DPP6: variants seen among roughly 807,000 people sequenced by gnomAD.
DPP6 encodes the protein dipeptidyl peptidase like 6, also known as A-type potassium channel modulatory protein DPP6.
In DPP6, 69 loss-of-function variants were observed where a neutral mutation model predicts 122.6. The ratio of observed to expected loss-of-function variants is 0.56; its 90% CI spans 0.46 to 0.69. The LOEUF (loss-of-function observed/expected upper bound fraction) is 0.69, where lower values mean the gene tolerates loss of function less well. Among genes scored for constraint, DPP6 ranks in the 30% least tolerant of loss-of-function variants. The pLI is 0.00. For synonymous variants in DPP6, 418 were observed against 433.1 expected, an observed-to-expected ratio of 0.97 and a Z score of 0.43; for missense variants, 928 against 1,116.9, an observed-to-expected ratio of 0.83 and a Z score of 2.41.
At chr7:154,295,898 A>C (rs1283716967) in intron 1 of DPP6, among the ~76,000 whole-genome samples, 2 of 150,932 alleles carry the variant, frequency 1.3e-5, no homozygotes, top group Non-Finnish European at 2.9e-5. Flanking sequence ...CTCTGTGTAC[A>C]CATAATCGAT....
At chr7:154,419,611 C>T (rs1817293212) in intron 1 of DPP6, among the ~76,000 whole-genome samples, 2 of 152,152 alleles carry the variant, frequency 1.3e-5, no homozygotes, top group Admixed American at 1.3e-4. Flanking sequence ...TTTTTCTTTC[C>T]TTCTCTTGAA....
intron 6 of DPP6, among the ~76,000 whole-genome samples, chr7:154,652,264 GTT>G (rs532694133): frequency 1.3e-5 from 2 of 149,456 alleles, no homozygotes; most frequent in African/African-American, 2.5e-5. Context: ...CTCCAAAGGC[GTT>G]TTTTTTTTCC....
chr7:154,270,950 C>T (rs1267019888), intron 1 of DPP6, among the ~76,000 whole-genome samples: 1 of 152,166 alleles, frequency 6.6e-6, no homozygotes, highest in Admixed American at 6.5e-5. Flanking sequence ...TTCTCAAAAG[C>T]CTTCACTTCT....
intron 1 of DPP6, among the ~76,000 whole-genome samples, chr7:154,424,784 C>A (rs1000026712): frequency 6.6e-6 from 1 of 152,166 alleles, no homozygotes; most frequent in African/African-American, 2.4e-5. Flanking sequence ...TTGACAACTG[C>A]GTGACTTTAG....
intron 1 of DPP6, among the ~76,000 whole-genome samples, chr7:154,035,969 G>A (rs561170265): frequency 5.9e-5 from 9 of 152,110 alleles, no homozygotes; most frequent in Admixed American, 1.3e-4. Context: ...TGAAAGGAGA[G>A]TATGGCATGA....
chr7:154,340,527 C>T (rs1316477551), intron 1 of DPP6, among the ~76,000 whole-genome samples: 2 of 152,100 alleles, frequency 1.3e-5, no homozygotes, highest in African/African-American at 4.8e-5. Flanking sequence ...ATAATTTATC[C>T]CTCTGATTTT....
At chr7:154,337,636 C>T (rs1039687276) in intron 1 of DPP6, among the ~76,000 whole-genome samples, 1 of 152,166 alleles carries the variant, frequency 6.6e-6, no homozygotes, top group Admixed American at 6.5e-5. Context: ...GGCAGGCAGC[C>T]TAAACTCCCA....
the DPP6 span, among the ~76,000 whole-genome samples, chr7:153,850,471 A>G: frequency 6.6e-6 from 1 of 152,352 alleles, no homozygotes; most frequent in East Asian, 1.9e-4. Context: ...GCAAGCATAC[A>G]TACATCTGTA....
intron 1 of DPP6, among the ~76,000 whole-genome samples, chr7:154,365,860 A>AGGGCTG (rs1296850099): frequency 4.0e-5 from 6 of 151,466 alleles, no homozygotes; most frequent in African/African-American, 1.5e-4. Flanking sequence ...CGGGAGGCTG[A>AGGGCTG]AGCAGGAGAA....
At chr7:154,096,673 G>T (rs1291014385) in intron 1 of DPP6, among the ~76,000 whole-genome samples, 3 of 151,872 alleles carry the variant, frequency 2.0e-5, no homozygotes, top group Admixed American at 6.6e-5. Context: ...AACAGTGGGA[G>T]AATAAAATCT....
intron 1 of DPP6, among the ~76,000 whole-genome samples, chr7:154,055,136 G>A (rs144143665): frequency 0.017 from 2,396 of 145,136 alleles, 65 homozygotes; most frequent in African/African-American, 0.059. Flanking sequence ...GTGGGTGGGC[G>A]TGTATTGTGT....
chr7:154,169,414 T>C (rs114284292), intron 1 of DPP6, among the ~76,000 whole-genome samples: 4 of 152,152 alleles, frequency 2.6e-5, no homozygotes, highest in Non-Finnish European at 5.9e-5. Flanking sequence ...CCACATGAGA[T>C]GGCAGCAGGC....
chr7:154,880,477 G>C (rs1479441359), intron 20 of DPP6, among the ~76,000 whole-genome samples: 1 of 152,224 alleles, frequency 6.6e-6, no homozygotes, highest in African/African-American at 2.4e-5. Context: ...TAGAACCAGA[G>C]CTCCACAGAT....
chr7:154,158,698 G>T (rs1008671309), intron 1 of DPP6, among the ~76,000 whole-genome samples: 3 of 151,902 alleles, frequency 2.0e-5, no homozygotes, highest in Non-Finnish European at 2.9e-5. Context: ...TAGAATTTTG[G>T]GGGCTGAGAG....
intron 1 of DPP6, among the ~76,000 whole-genome samples, chr7:154,251,110 G>A (rs537726960): frequency 1.3e-5 from 2 of 152,302 alleles, no homozygotes; most frequent in South Asian, 2.1e-4. Flanking sequence ...GGCTGACTGC[G>A]GGAATGCTGT....
chr7:154,514,311 A>G (rs1268812956), intron 3 of DPP6, among the ~76,000 whole-genome samples: 3 of 152,152 alleles, frequency 2.0e-5, no homozygotes, highest in African/African-American at 4.8e-5. Context: ...AAATACAGCT[A>G]GACGCTAATT....
chr7:154,023,109 G>A (rs1024904041), intron 1 of DPP6, among the ~76,000 whole-genome samples: 13 of 151,826 alleles, frequency 8.6e-5, no homozygotes, highest in Non-Finnish European at 1.5e-4. Flanking sequence ...TAACACTCAG[G>A]ATTCCATGAA....
At chr7:154,140,929 A>G (rs143819492) in intron 1 of DPP6, among the ~76,000 whole-genome samples, 19 of 152,316 alleles carry the variant, frequency 1.2e-4, no homozygotes, top group South Asian at 1.0e-3. Context: ...CCCGCTAAGT[A>G]ATCTCCGAAG....
Position 154,344,682 on chromosome 7 carries a change from G to A in DPP6, c.244-101532G>A, listed in dbSNP as rs940493616. On this transcript the variant is annotated intron_variant, in intron 1 of 25. Transcript: ENST00000377770. Reference sequence around the variant, plus strand: ...TGTGGAAGCTTGTACGAGTTTCTTGGCAACTCTGATTCACATTTTCCGGTG... The same window carrying A: ...TGTGGAAGCTTGTACGAGTTTCTTGACAACTCTGATTCACATTTTCCGGTG... Among the ~76,000 whole-genome samples the A allele has an allele frequency of 2.0e-5, 3 of 152,048 alleles. No homozygotes were observed. In the East Asian group the frequency reaches 5.8e-4, roughly 30 times the overall value.
Sources: allele counts gnomAD v4.1 joint callset (sites outside exome capture counted in the v4.1 genomes callset), GRCh38; gene constraint gnomAD v4.1.1; transcripts MANE v1.5; gene names NCBI Gene and HGNC (gene_info 2026-07-23, HGNC 2026-07-21).